Variants in CTNNA2 observed in about 807,000 individuals in gnomAD.
The protein encoded by CTNNA2 is catenin alpha-2.
In CTNNA2, 42 loss-of-function variants were observed where a neutral mutation model predicts 101.0. The observed-to-expected ratio is 0.42, with a 90% CI of 0.32 to 0.54. CTNNA2 has a LOEUF of 0.54. Ranked by LOEUF, CTNNA2 falls within the 20% of genes least tolerant of loss-of-function variation. The probability of loss-of-function intolerance (pLI) is 0.14; values close to 1 mark genes in which losing one functional copy is unlikely to be tolerated. For synonymous variants in CTNNA2, 450 were observed against 456.4 expected (o/e 0.99, Z 0.18); for missense variants, 871 against 1,223.1 (o/e 0.71, Z 4.29).
At chr2:80,594,330 T>C (rs2149748825) in intron 15 of CTNNA2, among the ~76,000 whole-genome samples, 1 of 152,212 alleles carries the variant, frequency 6.6e-6, no homozygotes, top group South Asian at 2.1e-4. Flanking sequence ...CATTTTTTAG[T>C]TGGGTTGTTT....
chr2:80,079,895 T>A (rs990014411), intron 7 of CTNNA2, among the ~76,000 whole-genome samples: 3 of 115,000 alleles, frequency 2.6e-5, no homozygotes, highest in African/African-American at 6.4e-5. Flanking sequence ...TAAAATAAAA[T>A]AAATAAAATA....
intron 12 of CTNNA2, among the ~76,000 whole-genome samples, 171 bp from the exon 13 acceptor site, chr2:80,573,992 G>GGTAA (rs1694822902): frequency 6.6e-6 from 1 of 152,106 alleles, no homozygotes; most frequent in African/African-American, 2.4e-5. Flanking sequence ...CTGCTCCTGA[G>GGTAA]GTAACTGTCA....
chr2:79,660,277 G>A (rs888227363), intron 2 of CTNNA2, among the ~76,000 whole-genome samples: 8 of 146,424 alleles, frequency 5.5e-5, no homozygotes, highest in Admixed American at 2.7e-4. Context: ...ATACACATAT[G>A]TATGTGTATC....
intron 15 of CTNNA2, among the ~76,000 whole-genome samples, chr2:80,592,856 C>CCT (rs1341319542): frequency 1.3e-5 from 2 of 152,078 alleles, no homozygotes; most frequent in Admixed American, 6.6e-5. Flanking sequence ...AGATTTTTCA[C>CCT]CTTAGTACTT....
intron 3 of CTNNA2, among the ~76,000 whole-genome samples, chr2:79,355,193 G>A (rs188473521): frequency 3.7e-4 from 57 of 152,140 alleles, no homozygotes; most frequent in African/African-American, 1.2e-3. Flanking sequence ...TTTGCTTAAG[G>A]TTGGTTTGGC....
At chr2:79,643,276 GA>G (rs1680580969) in intron 1 of CTNNA2, among the ~76,000 whole-genome samples, 1 of 152,258 alleles carries the variant, frequency 6.6e-6, no homozygotes, top group South Asian at 2.1e-4. Context: ...CCCAAATAAA[GA>G]GGTATTGTTC....
intron 12 of CTNNA2, among the ~76,000 whole-genome samples, chr2:80,567,322 T>C (rs1334679619): frequency 6.6e-6 from 1 of 152,024 alleles, no homozygotes; most frequent in Admixed American, 6.5e-5. Flanking sequence ...AAGGGAGAGA[T>C]GTGTTATGGC....
chr2:80,156,292 C>G (rs1167071215), intron 7 of CTNNA2, among the ~76,000 whole-genome samples: 1 of 152,192 alleles, frequency 6.6e-6, no homozygotes, highest in African/African-American at 2.4e-5. Flanking sequence ...TGAAGATGTT[C>G]AAGTCCTCAC....
chr2:79,245,900 A>G (rs1400995459), intron 2 of CTNNA2, among the ~76,000 whole-genome samples: 1 of 152,222 alleles, frequency 6.6e-6, no homozygotes, highest in African/African-American at 2.4e-5. Flanking sequence ...CCCAAAACCC[A>G]GGACTCAGTC....
rs963592189 is a variant in CTNNA2 at position 79,393,179 on chromosome 2, T to A, written c.-135+19166T>A. 3.9e-5 allele frequency among the ~76,000 whole-genome samples: 6 copies of A among 152,314 alleles called. No individual in the cohort carries two copies. The South Asian group carries it at 1.0e-3, about 26-fold the overall frequency. ...GGTCATAGCTGTGCCTCAAGCACCG[T>A]CCCATCCTTACTCATGTGCATCAAA... On this transcript the variant is annotated intron_variant, in intron 4 of 21. Coordinates refer to the CTNNA2 transcript ENST00000466387.
intron 7 of CTNNA2, among the ~76,000 whole-genome samples, chr2:80,008,034 T>C (rs75518825): frequency 0.04 from 6,167 of 152,284 alleles, 410 homozygotes; most frequent in African/African-American, 0.14. Context: ...TAAAATTCTC[T>C]AGAACTCTAA....
At chr2:79,446,090 G>A (rs969851495) in intron 4 of CTNNA2, among the ~76,000 whole-genome samples, 2 of 151,956 alleles carry the variant, frequency 1.3e-5, no homozygotes, top group South Asian at 4.2e-4. Context: ...CTACTGACAG[G>A]GTGTAATTGG....
chr2:79,450,721 G>T (rs918694552), intron 4 of CTNNA2, among the ~76,000 whole-genome samples: 5 of 152,196 alleles, frequency 3.3e-5, no homozygotes, highest in South Asian at 4.1e-4. Context: ...ACAAACAAGA[G>T]TTAAATTCCT....
At chr2:79,248,364 A>G (rs1674724428) in intron 2 of CTNNA2, among the ~76,000 whole-genome samples, 1 of 151,704 alleles carries the variant, frequency 6.6e-6, no homozygotes, top group Non-Finnish European at 1.5e-5. Context: ...ATTTTAATTT[A>G]ACCTAATATA....
chr2:80,344,179 G>A (rs866436682), intron 7 of CTNNA2, among the ~76,000 whole-genome samples: 47 of 151,910 alleles, frequency 3.1e-4, no homozygotes, highest in African/African-American at 1.1e-3. Context: ...ATTGGCTTCC[G>A]GAACTCACAA....
intron 2 of CTNNA2, among the ~76,000 whole-genome samples, chr2:79,698,551 C>G (rs1443987488): frequency 6.6e-6 from 1 of 151,978 alleles, no homozygotes; most frequent in Non-Finnish European, 1.5e-5. Context: ...AGAGGGGTGC[C>G]TATTACAATG....
chr2:79,668,291 T>C (rs1260764727), intron 2 of CTNNA2, among the ~76,000 whole-genome samples: 3 of 151,432 alleles, frequency 2.0e-5, no homozygotes, highest in Non-Finnish European at 4.4e-5. Context: ...CAACTTTCTC[T>C]TCTCTGTCAT....
chr2:80,272,643 A>G (rs1673590226), intron 7 of CTNNA2, among the ~76,000 whole-genome samples: 1 of 152,068 alleles, frequency 6.6e-6, no homozygotes, highest in Non-Finnish European at 1.5e-5. Context: ...ATATATTTTC[A>G]CCTACAAATA....
At chr2:80,136,830 C>T (rs981315936) in intron 7 of CTNNA2, among the ~76,000 whole-genome samples, 1 of 152,098 alleles carries the variant, frequency 6.6e-6, no homozygotes, top group Non-Finnish European at 1.5e-5. Context: ...GTGTAATTGG[C>T]TTTATTGCCT....
Sources: allele counts gnomAD v4.1 joint callset (sites outside exome capture counted in the v4.1 genomes callset), GRCh38; gene constraint gnomAD v4.1.1; transcripts MANE v1.5; gene names NCBI Gene and HGNC (gene_info 2026-07-23, HGNC 2026-07-21).